PPP2R2C: variants seen among roughly 807,000 people sequenced by gnomAD.
PPP2R2C encodes the protein protein phosphatase 2, regulatory subunit B, gamma.
Under a neutral mutation model 45.3 loss-of-function variants are expected in PPP2R2C, and 10 were observed. That is an observed-to-expected ratio of 0.22 (90% CI 0.14 to 0.37). PPP2R2C has a LOEUF of 0.37. PPP2R2C is among the 10% of genes least tolerant of loss of function. The pLI is 1.00. For synonymous variants in PPP2R2C, 257 were observed against 245.4 expected (o/e 1.05, Z -0.44); for missense variants, 308 against 619.7 (o/e 0.50, Z 5.34).
intron 6 of PPP2R2C, among the ~76,000 whole-genome samples, chr4:6,334,847 C>G (rs563538569): frequency 6.6e-6 from 1 of 152,344 alleles, no homozygotes; most frequent in South Asian, 2.1e-4. Flanking sequence ...ATCACAGCAC[C>G]CTGAGGCTCC....
chr4:6,430,644 G>C (rs1404507320), intron 1 of PPP2R2C, among the ~76,000 whole-genome samples: 1 of 152,180 alleles, frequency 6.6e-6, no homozygotes, highest in Non-Finnish European at 1.5e-5. Context: ...TGCAGATCCA[G>C]CCGGGCACGG....
At chr4:6,361,185 C>T (rs1303144368) in intron 5 of PPP2R2C, among the ~76,000 whole-genome samples, 1 of 152,172 alleles carries the variant, frequency 6.6e-6, no homozygotes, top group Non-Finnish European at 1.5e-5. Flanking sequence ...CAATTCCTCT[C>T]AGGGAGCAGA....
intron 2 of PPP2R2C, chr4:6,523,537 C>A (rs913606256): frequency 6.6e-6 from 1 of 152,244 alleles, no homozygotes; most frequent in African/African-American, 2.4e-5. Flanking sequence ...ACAACGCACA[C>A]CCACGAGGAT....
At chr4:6,333,384 C>G (rs1732570831) in intron 7 of PPP2R2C, among the ~76,000 whole-genome samples, 178 bp downstream of exon 7, 1 of 152,252 alleles carries the variant, frequency 6.6e-6, no homozygotes, top group African/African-American at 2.4e-5. Context: ...AGACTGAGCA[C>G]TCCTGCCCTC....
At chr4:6,512,375 TGGTGG>T in intron 2 of PPP2R2C, among the ~76,000 whole-genome samples, 1 of 128,076 alleles carries the variant, frequency 7.8e-6, no homozygotes, top group East Asian at 2.4e-4. Flanking sequence ...GTGGTGGTGG[TGGTGG>T]TGGTGGTGAT....
At chr4:6,464,115 G>C (rs1721471003) in intron 1 of PPP2R2C, among the ~76,000 whole-genome samples, 1 of 152,142 alleles carries the variant, frequency 6.6e-6, no homozygotes, top group East Asian at 1.9e-4. Context: ...CTGTAAAATG[G>C]GGAAATAATA....
At chr4:6,373,169 A>G (rs1338806543) in intron 4 of PPP2R2C, among the ~76,000 whole-genome samples, 2 of 152,196 alleles carry the variant, frequency 1.3e-5, no homozygotes, top group South Asian at 2.1e-4. Flanking sequence ...GATGCAGCTA[A>G]GCAGCGGGAG....
At chr4:6,369,590 A>C (rs1383240022) in intron 5 of PPP2R2C, among the ~76,000 whole-genome samples, 1 of 152,160 alleles carries the variant, frequency 6.6e-6, no homozygotes, top group Admixed American at 6.5e-5. Context: ...CGGGGCCCCT[A>C]CCCCAAGAGA....
At position 6,459,288 on chromosome 4, in the gene PPP2R2C, GT is replaced by G. The variant is rs538984471; in HGVS notation, c.70+12871del. On this transcript the variant is annotated intron_variant, in intron 1 of 8. Coordinates refer to ENST00000382599, the MANE Select transcript of PPP2R2C (RefSeq NM_020416.4). Reference sequence around the variant, plus strand: ...CCAGGACCTTGGTTCCTCTCTGCATGTGCCTCTCCACAAACTGCTTGGGCTT... The same window carrying G: ...CCAGGACCTTGGTTCCTCTCTGCATGGCCTCTCCACAAACTGCTTGGGCTT... 5.9e-3 allele frequency among the ~76,000 whole-genome samples: 900 copies of G among 152,244 alleles called. 6 individuals are homozygous for G. Among genetic ancestry groups the G allele is most frequent in the Admixed American group, 9.0e-3 (137 of 15,302 alleles).
chr4:6,497,130 C>T (rs1046666416), intron 2 of PPP2R2C, among the ~76,000 whole-genome samples: 1 of 152,054 alleles, frequency 6.6e-6, no homozygotes, highest in African/African-American at 2.4e-5. Context: ...GGAGGAGGCA[C>T]CCCAACTGAG....
At chr4:6,360,100 CCAGT>C (rs1350542160) in intron 5 of PPP2R2C, among the ~76,000 whole-genome samples, 2 of 152,226 alleles carry the variant, frequency 1.3e-5, no homozygotes, top group African/African-American at 4.8e-5. Context: ...CTAGCACAGA[CCAGT>C]CAAATAGTCC....
At chr4:6,403,297 G>A (rs968628339) in intron 1 of PPP2R2C, among the ~76,000 whole-genome samples, 3 of 152,212 alleles carry the variant, frequency 2.0e-5, no homozygotes, top group South Asian at 4.1e-4. Flanking sequence ...CAGAAATGCT[G>A]GGAGCGGAGC....
intron 1 of PPP2R2C, among the ~76,000 whole-genome samples, chr4:6,398,419 A>C (rs113401264): frequency 0.01 from 1,576 of 152,298 alleles, 30 homozygotes; most frequent in African/African-American, 0.036. Context: ...AAACACAAGC[A>C]ACCTGATTTA....
At chr4:6,408,458 G>A (rs1205783954) in intron 1 of PPP2R2C, among the ~76,000 whole-genome samples, 1 of 152,144 alleles carries the variant, frequency 6.6e-6, no homozygotes, top group African/African-American at 2.4e-5. Flanking sequence ...GCCTCCCAGA[G>A]AACTGAGCCA....
At chr4:6,497,833 A>C (rs781474995) in intron 2 of PPP2R2C, among the ~76,000 whole-genome samples, 1 of 152,254 alleles carries the variant, frequency 6.6e-6, no homozygotes, top group African/African-American at 2.4e-5. Flanking sequence ...AAATCAGGGA[A>C]CAGTGTTTTC....
At position 6,328,707 on chromosome 4, in the gene PPP2R2C, T is replaced by A. The variant is rs1732154759; in HGVS notation, c.1052+555A>T. Among the ~76,000 whole-genome samples, 1 of 152,198 alleles carries A rather than the reference T, an allele frequency of 6.6e-6. No homozygotes were observed. Among genetic ancestry groups the A allele is most frequent in the African/African-American group, 2.4e-5 (1 of 41,450 alleles). On this transcript the variant is annotated intron_variant, in intron 8 of 8. Coordinates refer to ENST00000382599, the MANE Select transcript of PPP2R2C (RefSeq NM_020416.4). The surrounding 1 kb of genome is among the most constrained non-coding windows in gnomAD (Gnocchi z 4.4). ...GCGCCACTTTCCAGGCAGGTGGGGTTGAGAGACGGCTGGACTTGTGGATTG... is the reference window on the plus strand; with the variant it reads ...GCGCCACTTTCCAGGCAGGTGGGGTAGAGAGACGGCTGGACTTGTGGATTG...
At chr4:6,544,715 AG>A (rs1433795931) in intron 1 of PPP2R2C, among the ~76,000 whole-genome samples, 1 of 152,244 alleles carries the variant, frequency 6.6e-6, no homozygotes, top group Non-Finnish European at 1.5e-5. Flanking sequence ...AAGAAGCATA[AG>A]CAAGAGTCTT....
chr4:6,542,366 T>TGAAAG (rs138120594), intron 1 of PPP2R2C, among the ~76,000 whole-genome samples: 146 of 152,302 alleles, frequency 9.6e-4, no homozygotes, highest in African/African-American at 3.5e-3. Context: ...AGAATGCATT[T>TGAAAG]GACAGGACAG....
intron 1 of PPP2R2C, among the ~76,000 whole-genome samples, chr4:6,451,996 G>A (rs1024001369): frequency 3.3e-5 from 5 of 152,070 alleles, no homozygotes; most frequent in East Asian, 1.9e-4. Context: ...AGTGTGGACC[G>A]AGCTGCAGGC....
Sources: gnomAD v4.1 joint callset for allele counts (sites outside exome capture counted in the v4.1 genomes callset) on GRCh38, gnomAD v4.1.1 for gene constraint, Gnocchi (gnomAD v3.1) non-coding constraint, MANE v1.5 for transcripts, NCBI Gene and HGNC (gene_info 2026-07-23, HGNC 2026-07-21) for gene names.